Variants in MICU1 observed in about 807,000 individuals in gnomAD.
MICU1 encodes mitochondrial calcium uptake 1.
Under a neutral mutation model 56.8 loss-of-function variants are expected in MICU1, and 45 were observed. The ratio of observed to expected loss-of-function variants is 0.79; its 90% CI spans 0.62 to 1.02. The LOEUF (loss-of-function observed/expected upper bound fraction) is 1.02. Among genes scored for constraint, MICU1 ranks in the 50% least tolerant of loss-of-function variants. The pLI is 0.00. For missense variants in MICU1, 504 were observed against 587.1 expected (o/e 0.86, Z 1.46); for synonymous variants, 186 against 195.1 (o/e 0.95, Z 0.39).
At chr10:72,522,551 T>TG (rs1291559073) in intron 5 of MICU1, among the ~76,000 whole-genome samples, 1 of 152,126 alleles carries the variant, frequency 6.6e-6, no homozygotes, top group African/African-American at 2.4e-5. Flanking sequence ...ATCAAACACA[T>TG]GGGTTAGATT....
intron 6 of MICU1, among the ~76,000 whole-genome samples, chr10:72,505,636 A>G (rs1017783428): frequency 9.9e-5 from 15 of 152,210 alleles, no homozygotes; most frequent in African/African-American, 3.6e-4. Flanking sequence ...GGTCATGAAC[A>G]AGAATGAAAT....
At chr10:72,495,858 A>G (rs1478398820) in intron 6 of MICU1, among the ~76,000 whole-genome samples, 1 of 152,168 alleles carries the variant, frequency 6.6e-6, no homozygotes, top group East Asian at 1.9e-4. Flanking sequence ...ACATACATAG[A>G]AAATAACTGG....
intron 6 of MICU1, among the ~76,000 whole-genome samples, chr10:72,505,925 T>C (rs1442899870): frequency 6.8e-6 from 1 of 147,234 alleles, no homozygotes; most frequent in Non-Finnish European, 1.5e-5. Flanking sequence ...CAATATCATA[T>C]AACAAACTTG....
chr10:72,506,948 C>T (rs1367621220), intron 6 of MICU1, among the ~76,000 whole-genome samples: 6 of 152,088 alleles, frequency 3.9e-5, no homozygotes, highest in African/African-American at 1.4e-4. Flanking sequence ...GTCCCAAAGT[C>T]AGCTGTGGCA....
Position 72,423,353 on chromosome 10 carries a change from C to T in MICU1, c.952G>A (p.Val318Met). The change falls in exon 9 of 12, where the codon GTG (valine) becomes ATG (methionine). Residue 318 changes from valine to methionine, a missense_variant. Physicochemically the swap from Val to Met is conservative, Grantham distance 21 (BLOSUM62 1). Transcript: ENST00000361114. Reference protein sequence around the residue: ...LKLEFERHDPVDGRITERQFG... With the variant: ...LKLEFERHDPMDGRITERQFG... ...TGCCTCTCAGTAATTCTCCCATCCA[C>T]AGGGTCATGGCGTTCAAACTGGGAG... 6.2e-7 allele frequency: 1 copy of T among 1,613,846 alleles called. No individual in the cohort carries two copies. The highest frequency in any genetic ancestry group is 1.3e-5 in the African/African-American group (1 of 75,040).
intron 11 of MICU1, among the ~76,000 whole-genome samples, chr10:72,368,557 G>C (rs1862223746): frequency 6.6e-6 from 1 of 152,208 alleles, no homozygotes; most frequent in South Asian, 2.1e-4. Context: ...AGTGTAGTGT[G>C]ACAAAAGTTG....
In MICU1 at chr10:72,567,842, C is replaced by G. The variant is rs533830555; in HGVS notation, c.-1-1048G>C. 4.6e-5 allele frequency among the ~76,000 whole-genome samples: 7 copies of G among 152,218 alleles called. No homozygotes were observed. In the South Asian group the frequency reaches 1.0e-3, roughly 23 times the overall value. ...CCCTCCTCCAGGGTCCTTCTAGTCTCTCTACTGACAAAGTTTAACAGTAAC... is the reference window on the plus strand; with the variant it reads ...CCCTCCTCCAGGGTCCTTCTAGTCTGTCTACTGACAAAGTTTAACAGTAAC... On this transcript the variant is annotated intron_variant, in intron 1 of 11. Transcript: ENST00000361114.
chr10:72,427,904 GC>G (rs1864402547), intron 8 of MICU1, among the ~76,000 whole-genome samples: 1 of 152,058 alleles, frequency 6.6e-6, no homozygotes, highest in Admixed American at 6.6e-5. Context: ...CCATGCCACT[GC>G]CACTATCAGG....
chr10:72,541,152 G>C (rs7068863), intron 4 of MICU1, among the ~76,000 whole-genome samples: 25 of 152,136 alleles, frequency 1.6e-4, no homozygotes, highest in Non-Finnish European at 2.5e-4. Flanking sequence ...ACTCATTCCC[G>C]GGCAAGAGCC....
rs780978857 is a variant in MICU1 at position 72,423,052 on chromosome 10, C to T, written c.1071+182G>A. ...ACAAGAAACCTGGGATGATTCTGGA[C>T]GCTCTCCTCTTCCTCACCCATTGCT... On this transcript the variant is annotated intron_variant, in intron 9 of 11. Coordinates refer to ENST00000361114, the MANE Select transcript of MICU1 (RefSeq NM_001195518.2). 3.3e-5 allele frequency among the ~76,000 whole-genome samples: 5 copies of T among 152,190 alleles called. No individual in the cohort carries two copies. In the South Asian group the frequency reaches 6.2e-4, roughly 19 times the overall value.
intron 10 of MICU1, among the ~76,000 whole-genome samples, chr10:72,391,560 T>C (rs1453735873): frequency 2.0e-5 from 3 of 152,194 alleles, no homozygotes; most frequent in Admixed American, 6.5e-5. Context: ...AGCATTTACA[T>C]AGTAATAGGT....
intron 5 of MICU1, among the ~76,000 whole-genome samples, chr10:72,526,330 T>G (rs1867961135): frequency 6.6e-6 from 1 of 152,126 alleles, no homozygotes; most frequent in African/African-American, 2.4e-5. Context: ...AGAGTCTCAC[T>G]CTGTTGACCA....
At chr10:72,553,575 C>G (rs1840089531) in intron 3 of MICU1, among the ~76,000 whole-genome samples, 1 of 152,012 alleles carries the variant, frequency 6.6e-6, no homozygotes, top group Non-Finnish European at 1.5e-5. Context: ...TATTCTTCCT[C>G]TGAACAACAA....
intron 10 of MICU1, among the ~76,000 whole-genome samples, chr10:72,392,524 TTGTA>T (rs1398268145): frequency 3.3e-5 from 5 of 151,992 alleles, no homozygotes; most frequent in African/African-American, 1.2e-4. Flanking sequence ...TGAGCCAAGA[TTGTA>T]CCACTGCACT....
chr10:72,508,893 T>A (rs1469651925), intron 5 of MICU1, among the ~76,000 whole-genome samples: 3 of 152,188 alleles, frequency 2.0e-5, no homozygotes, highest in Admixed American at 6.5e-5. Context: ...TACTGTTACT[T>A]TAATGGAGGC....
intron 4 of MICU1, 42 bp from the exon 5 acceptor site, chr10:72,533,831 C>T: frequency 1.5e-6 from 2 of 1,350,660 alleles, no homozygotes; most frequent in South Asian, 1.3e-5. Context: ...CTGATAATAA[C>T]TCAAGTGAAA....
chr10:72,562,984 C>A lies in MICU1; in HGVS notation c.241G>T (p.Asp81Tyr). ...GTCTTTTTCTCATGGTTACAAACAT[C>A]CCCTTCATCTTTATTCTTCCCTTTA... The part of the protein sequence containing the change: ...GDKGKNKDEG[D>Y]VCNHEKKTAD... Residue 81 changes from aspartate to tyrosine, a missense_variant, in exon 3 of 12, where the codon GAT (aspartate) becomes TAT (tyrosine). Physicochemically the swap from Asp to Tyr is radical, Grantham distance 160. Coordinates refer to ENST00000361114, the MANE Select transcript of MICU1 (RefSeq NM_001195518.2). 1 of 1,609,498 alleles carries A rather than the reference C, an allele frequency of 6.2e-7. No individual in the cohort carries two copies. The highest frequency in any genetic ancestry group is 8.5e-7 in the Non-Finnish European group (1 of 1,177,882).
intron 9 of MICU1, among the ~76,000 whole-genome samples, chr10:72,411,617 C>CTTA (rs1863818221): frequency 6.6e-6 from 1 of 152,136 alleles, no homozygotes; most frequent in Non-Finnish European, 1.5e-5. Context: ...AGTTACTTTT[C>CTTA]TTATTAAGGT....
intron 8 of MICU1, among the ~76,000 whole-genome samples, chr10:72,429,514 T>TA (rs1161356313): frequency 6.6e-6 from 1 of 152,150 alleles, no homozygotes; most frequent in Non-Finnish European, 1.5e-5. Flanking sequence ...TTAAACTACT[T>TA]AGAGTTTCTT....
Sources: allele counts gnomAD v4.1 joint callset (sites outside exome capture counted in the v4.1 genomes callset), GRCh38; gene constraint gnomAD v4.1.1; transcripts MANE v1.5; gene names NCBI Gene and HGNC (gene_info 2026-07-23, HGNC 2026-07-21).